COL21A1: variants seen among roughly 807,000 people sequenced by gnomAD.
The protein encoded by COL21A1 is collagen type XXI alpha 1 chain.
A neutral mutation model predicts 137.9 loss-of-function variants in COL21A1; 149 were observed. That is an observed-to-expected ratio of 1.08 (90% CI 0.95 to 1.24). The LOEUF is 1.24. Among genes scored for constraint, COL21A1 ranks in the 50% most tolerant of loss-of-function variants. COL21A1 has a pLI of 0.00. For synonymous variants in COL21A1, 456 were observed against 391.5 expected (o/e 1.16, Z -1.95); for missense variants, 1,167 against 1,158.4 (o/e 1.01, Z -0.11).
intron 1 of COL21A1, among the ~76,000 whole-genome samples, chr6:56,259,828 T>G (rs929387018): frequency 6.6e-5 from 10 of 152,258 alleles, no homozygotes; most frequent in African/African-American, 2.4e-4. Flanking sequence ...ATAATTTTTA[T>G]AAAACCAATT....
At chr6:56,263,005 G>T (rs1193224095) in intron 1 of COL21A1, among the ~76,000 whole-genome samples, 1 of 152,072 alleles carries the variant, frequency 6.6e-6, no homozygotes, top group Non-Finnish European at 1.5e-5. Context: ...ATATAATCTT[G>T]AACAAAGTTA....
chr6:56,075,284 C>A (rs1346840329), intron 19 of COL21A1, among the ~76,000 whole-genome samples, 195 bp downstream of exon 19: 1 of 151,210 alleles, frequency 6.6e-6, no homozygotes, highest in African/African-American at 2.4e-5. Context: ...TTTTGAGAAA[C>A]TGAAGAAATC....
In COL21A1 at chr6:56,057,722, C is replaced by G. The variant is rs563672300; in HGVS notation, c.2809G>C (p.Asp937His). Residue 937 changes from aspartate (D) to histidine (H), a missense_variant, in exon 30 of 30, where the codon GAC becomes CAC. Transcript: ENST00000244728. ...QGQPGPPGICDPSLCFSVIAR... is the reference protein window; with the variant it reads ...QGQPGPPGICHPSLCFSVIAR... ...ATTACACTAAAACATAGTGATGGGT[C>G]GCAGATGCCTGGGGGGCCTGGTTGC... is the stretch of plus-strand genomic sequence containing the variant. The G allele has an allele frequency of 5.0e-6, 8 of 1,612,944 alleles. 1 individual carries two copies. The Admixed American group carries it at 1.2e-4, about 24-fold the overall frequency.
intron 18 of COL21A1, among the ~76,000 whole-genome samples, chr6:56,077,055 C>CA (rs920600981): frequency 1.3e-5 from 2 of 150,650 alleles, no homozygotes. Context: ...CAATGAAAGC[C>CA]AAAAAAACCA....
At chr6:56,166,051 A>G (rs1561937119) in intron 7 of COL21A1, among the ~76,000 whole-genome samples, 3 of 152,064 alleles carry the variant, frequency 2.0e-5, no homozygotes, top group Non-Finnish European at 4.4e-5. Context: ...TAGAACTATA[A>G]TAAATTTTTA....
chr6:56,141,933 T>C lies in COL21A1; in HGVS notation c.1485A>G (p.Ile495Met). ...GTPGVPGSPGIQGARGLPGYK... is the reference protein window; with the variant it reads ...GTPGVPGSPGMQGARGLPGYK... ...TGTATATAAGTGGATCACATACTTG[T>C]ATTCCTGGAGATCCTGGAACACCTG... Residue 495 changes from isoleucine to methionine, a missense_variant, in exon 11 of 30, where the codon ATA (isoleucine) becomes ATG (methionine). By Grantham distance (10) the Ile-to-Met change is conservative. Transcript: ENST00000244728. 1 of 1,552,166 alleles carries C rather than the reference T, an allele frequency of 6.4e-7. No homozygotes were observed. Among genetic ancestry groups the C allele is most frequent in the Middle Eastern group, 1.9e-4 (1 of 5,218 alleles).
At chr6:56,153,747 C>A (rs1775507139) in intron 10 of COL21A1, among the ~76,000 whole-genome samples, 1 of 152,152 alleles carries the variant, frequency 6.6e-6, no homozygotes, top group Non-Finnish European at 1.5e-5. Context: ...AATAACACAC[C>A]TAATAGGATG....
chr6:56,355,469 G>A (rs1322164466), intron 1 of COL21A1, among the ~76,000 whole-genome samples: 2 of 152,028 alleles, frequency 1.3e-5, no homozygotes, highest in Non-Finnish European at 2.9e-5. Context: ...AGACCTAAGA[G>A]GTCTATCAAC....
chr6:56,182,535 T>C lies in COL21A1; in HGVS notation c.84A>G (p.Arg28=). ...GACAATGCTGATAGTTCTTACTTGATCTTACTTCCCCATCTTCAGCTAACA... is the reference window on the plus strand; with the variant it reads ...GACAATGCTGATAGTTCTTACTTGACCTTACTTCCCCATCTTCAGCTAACA... ...NSVLAEDGEV[R]SSCRTAPTDL... Residue 28 remains arginine (R), a synonymous_variant, in exon 2 of 30, where the codon AGA becomes AGG. Transcript: ENST00000244728. The C allele has an allele frequency of 6.3e-7, 1 of 1,592,452 alleles. No individual in the cohort carries two copies. The highest frequency in any genetic ancestry group is 8.6e-7 in the Non-Finnish European group (1 of 1,165,678).
intron 1 of COL21A1, among the ~76,000 whole-genome samples, chr6:56,290,499 A>G (rs4398742): frequency 1.3e-3 from 175 of 139,928 alleles, no homozygotes; most frequent in Non-Finnish European, 2.0e-3. Context: ...CACTTAGGAG[A>G]TTTTTTTTTT....
chr6:56,068,403 T>C (rs956409388), intron 22 of COL21A1, among the ~76,000 whole-genome samples: 2 of 151,642 alleles, frequency 1.3e-5, no homozygotes, highest in African/African-American at 4.8e-5. Flanking sequence ...GCATCAATTG[T>C]TGCTCAAAAC....
At chr6:56,349,029 C>T (rs1765654587) in intron 1 of COL21A1, among the ~76,000 whole-genome samples, 1 of 152,120 alleles carries the variant, frequency 6.6e-6, no homozygotes, top group South Asian at 2.1e-4. Flanking sequence ...GAACACTGAC[C>T]TTCCTTTTAG....
rs902929362 is a variant in COL21A1, at chr6:56,269,527, C to T, written c.-38-86871G>A. ...AAAATTAGCCGGGCGTAGTGGCGGGCGCCTGTAGTCCCAGCTACTTGGGAG... is the reference window on the plus strand; with the variant it reads ...AAAATTAGCCGGGCGTAGTGGCGGGTGCCTGTAGTCCCAGCTACTTGGGAG... On this transcript the variant is annotated intron_variant, in intron 1 of 28. Transcript: ENST00000370819. Among the ~76,000 whole-genome samples the T allele has an allele frequency of 1.3e-4, 20 of 150,522 alleles. No homozygotes were observed. In the East Asian group the frequency reaches 2.2e-3, roughly 16 times the overall value.
chr6:56,294,925 G>A (rs1463602686), intron 1 of COL21A1, among the ~76,000 whole-genome samples: 1 of 151,862 alleles, frequency 6.6e-6, no homozygotes, highest in Non-Finnish European at 1.5e-5. Flanking sequence ...CTTTCACAAA[G>A]CAGAAGTTTT....
At chr6:56,073,041 G>A (rs962471060) in intron 20 of COL21A1, among the ~76,000 whole-genome samples, 1 of 151,102 alleles carries the variant, frequency 6.6e-6, no homozygotes, top group Non-Finnish European at 1.5e-5. Context: ...AACCTTTTAC[G>A]GAAAGTCCAA....
intron 1 of COL21A1, among the ~76,000 whole-genome samples, chr6:56,192,540 A>T (rs1200076156): frequency 6.6e-6 from 1 of 152,214 alleles, no homozygotes; most frequent in African/African-American, 2.4e-5. Context: ...AAGAGCAGAC[A>T]TTTCTCAAAA....
chr6:56,114,597 GAAA>G (rs1771744073), intron 16 of COL21A1, among the ~76,000 whole-genome samples: 1 of 151,908 alleles, frequency 6.6e-6, no homozygotes, highest in Non-Finnish European at 1.5e-5. Flanking sequence ...GGCCATCAGA[GAAA>G]TGCAAATCAA....
chr6:56,205,266 T>A (rs772075413), intron 1 of COL21A1, among the ~76,000 whole-genome samples: 3 of 152,044 alleles, frequency 2.0e-5, no homozygotes, highest in Non-Finnish European at 4.4e-5. Context: ...ATAACTAGAA[T>A]AACCAGTTTA....
intron 16 of COL21A1, among the ~76,000 whole-genome samples, chr6:56,116,193 A>T (rs2152197863): frequency 6.6e-6 from 1 of 152,166 alleles, no homozygotes; most frequent in African/African-American, 2.4e-5. Context: ...AAGCAGATTT[A>T]ACCCAAAGAC....
Sources: gnomAD v4.1 joint callset for allele counts (sites outside exome capture counted in the v4.1 genomes callset) on GRCh38, gnomAD v4.1.1 for gene constraint, MANE v1.5 for transcripts, NCBI Gene and HGNC (gene_info 2026-07-23, HGNC 2026-07-21) for gene names.